HTR2A: variants seen among roughly 807,000 people sequenced by gnomAD.
HTR2A encodes the protein 5-hydroxytryptamine receptor 2A, also known as 5-HT2 receptor.
Under a neutral mutation model 31.0 loss-of-function variants are expected in HTR2A, and 14 were observed. The observed-to-expected ratio is 0.45, with a 90% CI of 0.30 to 0.71. The LOEUF is 0.71. Among genes scored for constraint, HTR2A ranks in the 30% least tolerant of loss-of-function variants. HTR2A has a pLI of 0.09. For missense variants in HTR2A, 442 were observed against 573.3 expected (o/e 0.77, Z 2.34); for synonymous variants, 209 against 225.2 (o/e 0.93, Z 0.64).
chr13:46,849,962 G>T (rs1041016964), intron 3 of HTR2A, among the ~76,000 whole-genome samples: 2 of 152,136 alleles, frequency 1.3e-5, no homozygotes, highest in Non-Finnish European at 2.9e-5. Flanking sequence ...AGAGGCCTTT[G>T]GGAACACATA....
intron 3 of HTR2A, among the ~76,000 whole-genome samples, chr13:46,855,047 C>A (rs1950721911): frequency 6.6e-6 from 1 of 152,144 alleles, no homozygotes; most frequent in Non-Finnish European, 1.5e-5. Flanking sequence ...AGTCAGGGAA[C>A]ACCAAATTGA....
Position 46,895,484 on chromosome 13 carries a change from A to G in HTR2A, c.412+11T>C. 6.2e-7 allele frequency: 1 copy of G among 1,610,152 alleles called. No individual in the cohort carries two copies. Among genetic ancestry groups the G allele is most frequent in the Non-Finnish European group, 8.5e-7 (1 of 1,177,320 alleles). Reference sequence around the variant, plus strand: ...CAGTGCGAATATAGCTGGGAAACTAATGCCACTCACCATACAGGATGGTTA... The same window carrying G: ...CAGTGCGAATATAGCTGGGAAACTAGTGCCACTCACCATACAGGATGGTTA... On this transcript the variant is annotated intron_variant, in intron 2 of 3. Coordinates refer to ENST00000542664, the MANE Select transcript of HTR2A (RefSeq NM_000621.5). This position sits in a 1 kb window ranked among gnomAD's most constrained non-coding sequence, Gnocchi z 4.4.
rs200417748 is a variant in HTR2A, at chr13:46,886,966, T to C, written c.613+5424A>G. ...GGCAAACTAGAAATAGACTGGCTTTTATAAGAACCTTGCCTTAAATAAACT... is the reference window on the plus strand; with the variant it reads ...GGCAAACTAGAAATAGACTGGCTTTCATAAGAACCTTGCCTTAAATAAACT... On this transcript the variant is annotated intron_variant, in intron 3 of 3. Coordinates refer to ENST00000542664, the MANE Select transcript of HTR2A (RefSeq NM_000621.5). Among the ~76,000 whole-genome samples the C allele has an allele frequency of 7.9e-5, 12 of 152,286 alleles. No individual in the cohort carries two copies. The East Asian group carries it at 2.3e-3, about 29-fold the overall frequency.
chr13:46,865,257 C>G (rs1950810195), intron 3 of HTR2A, among the ~76,000 whole-genome samples: 1 of 152,122 alleles, frequency 6.6e-6, no homozygotes, highest in Non-Finnish European at 1.5e-5. Context: ...AATGTGATAA[C>G]AGCAAGTAGA....
intron 3 of HTR2A, among the ~76,000 whole-genome samples, chr13:46,889,180 C>A (rs935567051): frequency 2.0e-5 from 3 of 151,788 alleles, no homozygotes; most frequent in Non-Finnish European, 4.4e-5. Flanking sequence ...AAATGATAAT[C>A]AAAAGAAAAT....
In HTR2A at chr13:46,896,246, A is replaced by G. The variant is rs1230495039; in HGVS notation, c.-328-12T>C. On this transcript the variant is annotated splice_polypyrimidine_tract_variant and intron_variant, in intron 1 of 3. Coordinates refer to ENST00000542664, the MANE Select transcript of HTR2A (RefSeq NM_000621.5). ...GGAAGATAAATGTCCTGGACAAAGA[A>G]GAAAAGTTTTATAACTACTGGGACT... The G allele has an allele frequency of 8.2e-6, 9 of 1,101,064 alleles. No individual in the cohort carries two copies. The Admixed American group carries it at 2.8e-4, about 34-fold the overall frequency. The allele number at this position is 1,101,064 out of a possible 1,614,324, so 68.2% of individuals were successfully genotyped here. A position where few individuals can be genotyped will look rare whatever the true frequency, so the allele number is the denominator to read the frequency against.
chr13:46,843,525 T>C (rs1336753511), intron 3 of HTR2A, among the ~76,000 whole-genome samples: 1 of 152,076 alleles, frequency 6.6e-6, no homozygotes, highest in East Asian at 1.9e-4. Context: ...GGAGGACTCC[T>C]GAGGGCATAG....
Position 46,865,734 on chromosome 13 carries a change from G to A in HTR2A, c.613+26656C>T, listed in dbSNP as rs770667805. On this transcript the variant is annotated intron_variant, in intron 3 of 3. Coordinates refer to ENST00000542664, the MANE Select transcript of HTR2A (RefSeq NM_000621.5). ...AATGAAATGGCAATATATATGACTAGTGGCTACTCTATTGGACAACACAGA... is the reference window on the plus strand; with the variant it reads ...AATGAAATGGCAATATATATGACTAATGGCTACTCTATTGGACAACACAGA... Among the ~76,000 whole-genome samples the A allele has an allele frequency of 5.9e-5, 9 of 152,232 alleles. 1 individual carries two copies. Among genetic ancestry groups the A allele is most frequent in the Admixed American group, 2.0e-4 (3 of 15,282 alleles).
chr13:46,837,183 CT>C (rs1220325182), intron 3 of HTR2A, among the ~76,000 whole-genome samples: 16 of 152,058 alleles, frequency 1.1e-4, no homozygotes, highest in Admixed American at 1.0e-3. Context: ...ATGATAGGAC[CT>C]TTTTAAAGGA....
At chr13:46,875,762 G>A (rs539894566) in intron 3 of HTR2A, among the ~76,000 whole-genome samples, 4 of 152,264 alleles carry the variant, frequency 2.6e-5, no homozygotes, top group African/African-American at 7.2e-5. Context: ...AAATGTTTCC[G>A]ATTAAAAACA....
At chr13:46,853,903 C>T (rs1355166708) in intron 3 of HTR2A, 1 of 152,106 alleles carries the variant, frequency 6.6e-6, no homozygotes, top group Non-Finnish European at 1.5e-5. Flanking sequence ...AGTTTTTATG[C>T]TAGTTTTTGA....
At chr13:46,847,731 G>A (rs1479746656) in intron 3 of HTR2A, among the ~76,000 whole-genome samples, 5 of 152,096 alleles carry the variant, frequency 3.3e-5, no homozygotes, top group African/African-American at 1.2e-4. Context: ...TGTACCACGA[G>A]GCCCAAACAA....
At chr13:46,882,792 A>G (rs1439962839) in intron 3 of HTR2A, among the ~76,000 whole-genome samples, 3 of 152,258 alleles carry the variant, frequency 2.0e-5, no homozygotes, top group African/African-American at 7.2e-5. Flanking sequence ...CATTTACTCA[A>G]TCTTTAACCT....
intron 3 of HTR2A, among the ~76,000 whole-genome samples, chr13:46,886,052 C>A (rs1188511157): frequency 1.3e-5 from 2 of 152,126 alleles, no homozygotes; most frequent in Non-Finnish European, 2.9e-5. Context: ...TTAGCCGTAT[C>A]AAACTTATAT....
intron 3 of HTR2A, among the ~76,000 whole-genome samples, chr13:46,856,925 G>A (rs1232883805): frequency 6.6e-6 from 1 of 152,160 alleles, no homozygotes; most frequent in South Asian, 2.1e-4. Context: ...GGCAGTGCAA[G>A]GTGCTGGGGG....
chr13:46,872,134 A>G (rs547252379), intron 3 of HTR2A, among the ~76,000 whole-genome samples: 1 of 152,376 alleles, frequency 6.6e-6, no homozygotes, highest in South Asian at 2.1e-4. Context: ...ACTTTAAATC[A>G]AAGATAATGT....
At chr13:46,878,462 G>C (rs1325286363) in intron 3 of HTR2A, among the ~76,000 whole-genome samples, 1 of 152,102 alleles carries the variant, frequency 6.6e-6, no homozygotes, top group Non-Finnish European at 1.5e-5. Context: ...TTGGATGCCG[G>C]GGGTTGAAGC....
intron 3 of HTR2A, chr13:46,852,032 C>T (rs1190188708): frequency 1.3e-5 from 2 of 152,156 alleles, no homozygotes; most frequent in African/African-American, 2.4e-5. Flanking sequence ...TCAATAAGAG[C>T]AGGATTCAAT....
chr13:46,835,317 C>T lies in HTR2A; in HGVS notation c.936G>A (p.Met312Ile), dbSNP rs1203636382. The T allele has an allele frequency of 1.2e-6, 2 of 1,614,044 alleles. No homozygotes were observed. Among genetic ancestry groups the T allele is most frequent in the Non-Finnish European group, 1.7e-6 (2 of 1,179,952 alleles). ...EPGSYTGRRTMQSISNEQKAC... is the reference protein window; with the variant it reads ...EPGSYTGRRTIQSISNEQKAC... Reference sequence around the variant, plus strand: ...CCTTTTGCTCATTGCTGATGGACTGCATAGTCCTCCTGCCTGTGTAGGACC... The same window carrying T: ...CCTTTTGCTCATTGCTGATGGACTGTATAGTCCTCCTGCCTGTGTAGGACC... Residue 312 changes from methionine to isoleucine, a missense_variant, in exon 4 of 4, where the codon ATG (methionine) becomes ATA (isoleucine). This residue lies in a region of HTR2A where 174 missense variants were observed against 195.1 expected (regional missense o/e 0.89). Coordinates refer to ENST00000542664, the MANE Select transcript of HTR2A (RefSeq NM_000621.5).
Sources: allele counts gnomAD v4.1 joint callset (sites outside exome capture counted in the v4.1 genomes callset), GRCh38; gene constraint gnomAD v4.1.1; regional missense constraint gnomAD v4.1.1; non-coding constraint Gnocchi (gnomAD v3.1); transcripts MANE v1.5; gene names NCBI Gene and HGNC (gene_info 2026-07-23, HGNC 2026-07-21).